NOX3: variants seen among roughly 807,000 people sequenced by gnomAD.
NOX3 encodes NADPH oxidase 3, also known as NADPH oxidase catalytic subunit-like 3.
In NOX3, 74 loss-of-function variants were observed where a neutral mutation model predicts 76.7. The ratio of observed to expected loss-of-function variants is 0.96; its 90% confidence interval spans 0.80 to 1.17. NOX3 has a LOEUF of 1.17. Among genes scored for constraint, NOX3 ranks in the 50% most tolerant of loss-of-function variants. NOX3 has a pLI of 0.00. For missense variants in NOX3, 695 were observed against 703.3 expected (o/e 0.99, Z 0.13); for synonymous variants, 263 against 261.1 (o/e 1.01, Z -0.07).
chr6:155,426,429 T>C (rs1281275575), intron 9 of NOX3, among the ~76,000 whole-genome samples: 1 of 152,106 alleles, frequency 6.6e-6, no homozygotes. Context: ...GGTGGTGGTA[T>C]GTACTATAAA....
intron 9 of NOX3, among the ~76,000 whole-genome samples, chr6:155,427,905 C>A (rs752641730): frequency 2.6e-5 from 4 of 152,012 alleles, no homozygotes; most frequent in Non-Finnish European, 5.9e-5. Flanking sequence ...TCCTCCTCCT[C>A]CTTCTTCTTT....
At chr6:155,452,648 T>TTTA (rs397700834) in intron 4 of NOX3, among the ~76,000 whole-genome samples, 2 of 151,944 alleles carry the variant, frequency 1.3e-5, no homozygotes, top group African/African-American at 4.8e-5. Flanking sequence ...CTTTTTTTTT[T>TTTA]ATGCATGAGA....
chr6:155,399,345 A>G (rs926611964), intron 12 of NOX3, among the ~76,000 whole-genome samples: 3 of 152,148 alleles, frequency 2.0e-5, no homozygotes. Flanking sequence ...ACTCCATTTC[A>G]AAGGATTCTG....
chr6:155,408,481 T>C (rs1199681468), intron 11 of NOX3, among the ~76,000 whole-genome samples: 2 of 152,168 alleles, frequency 1.3e-5, no homozygotes, highest in African/African-American at 2.4e-5. Context: ...GTGCAACTCA[T>C]GCCCCAGGTT....
At chr6:155,424,372 A>C (rs1776729938) in intron 9 of NOX3, among the ~76,000 whole-genome samples, 1 of 152,206 alleles carries the variant, frequency 6.6e-6, no homozygotes, top group Non-Finnish European at 1.5e-5. Flanking sequence ...TGGTTGAATA[A>C]ATTGTAAAGG....
chr6:155,409,008 T>A lies in NOX3; in HGVS notation c.1456-1754A>T, dbSNP rs944186997. On this transcript the variant is annotated intron_variant, in intron 11 of 13. Coordinates refer to ENST00000159060, the MANE Select transcript of NOX3 (RefSeq NM_015718.3). Reference sequence around the variant, plus strand: ...GACAAAGAACCTACTGGGTATGATATCCACTGTTTGGGTAATGGGTAACCC... The same window carrying A: ...GACAAAGAACCTACTGGGTATGATAACCACTGTTTGGGTAATGGGTAACCC... 3.9e-5 allele frequency among the ~76,000 whole-genome samples: 6 copies of A among 152,132 alleles called. No individual in the cohort carries two copies. The East Asian group carries it at 9.7e-4, about 25-fold the overall frequency.
chr6:155,443,243 G>C (rs188790493), intron 5 of NOX3, 30 bp downstream of exon 5: 1 of 1,599,166 alleles, frequency 6.3e-7, no homozygotes, highest in Non-Finnish European at 8.5e-7. Context: ...ATTTTTCAGG[G>C]GAGAAGCTTG....
Position 155,443,381 on chromosome 6 carries a change from G to C in NOX3, c.378C>G (p.Arg126=), listed in dbSNP as rs1398674142. The change falls in exon 5 of 14, where the codon CGC becomes CGG. Residue 126 remains arginine (R), a synonymous_variant. Coordinates refer to ENST00000159060, the MANE Select transcript of NOX3 (RefSeq NM_015718.3). ...HIVAHFFNLE[R]YHWSQSEEAQ... ...CCTCCTCGGACTGGCTCCAGTGGTAGCGTTCCAGGTTGAAGAAATGCGCCA... is the reference window on the plus strand; with the variant it reads ...CCTCCTCGGACTGGCTCCAGTGGTACCGTTCCAGGTTGAAGAAATGCGCCA... The C allele has an allele frequency of 1.2e-5, 19 of 1,613,928 alleles. No homozygotes were observed. In the East Asian group the frequency reaches 4.0e-4, roughly 34 times the overall value.
chr6:155,400,493 T>G (rs1328741996), intron 12 of NOX3, among the ~76,000 whole-genome samples: 1 of 152,234 alleles, frequency 6.6e-6, no homozygotes, highest in African/African-American at 2.4e-5. Flanking sequence ...AGCTACAAAC[T>G]CTGTATCAGA....
chr6:155,441,930 G>T (rs1776992101), intron 5 of NOX3, among the ~76,000 whole-genome samples: 3 of 152,114 alleles, frequency 2.0e-5, no homozygotes, highest in Non-Finnish European at 4.4e-5. Context: ...GTTCTGATTC[G>T]GAAGTGTGAA....
At chr6:155,452,589 T>C (rs1289685247) in intron 4 of NOX3, among the ~76,000 whole-genome samples, 7 of 152,204 alleles carry the variant, frequency 4.6e-5, no homozygotes, top group African/African-American at 1.7e-4. Flanking sequence ...CTGTCATGTC[T>C]TGTTGCTTAA....
At chr6:155,410,314 T>C (rs767920749) in intron 11 of NOX3, among the ~76,000 whole-genome samples, 3 of 152,016 alleles carry the variant, frequency 2.0e-5, no homozygotes, top group African/African-American at 4.8e-5. Flanking sequence ...TGTGTGTGTG[T>C]GTGTGCGCAC....
At chr6:155,418,035 C>T (rs1203733224) in intron 10 of NOX3, among the ~76,000 whole-genome samples, 1 of 152,164 alleles carries the variant, frequency 6.6e-6, no homozygotes, top group Non-Finnish European at 1.5e-5. Flanking sequence ...ACTACATATG[C>T]AGTTAAGAAA....
chr6:155,449,648 C>T (rs971379644), intron 4 of NOX3, among the ~76,000 whole-genome samples: 8 of 152,200 alleles, frequency 5.3e-5, no homozygotes, highest in Non-Finnish European at 2.9e-5. Flanking sequence ...CCTCCTCCCT[C>T]GCCTTCTTCC....
At chr6:155,420,897 C>A (rs994714192) in intron 10 of NOX3, among the ~76,000 whole-genome samples, 1 of 152,286 alleles carries the variant, frequency 6.6e-6, no homozygotes, top group Admixed American at 6.5e-5. Context: ...TTTCTGTATA[C>A]ACATTTCTAT....
intron 4 of NOX3, among the ~76,000 whole-genome samples, chr6:155,446,110 G>A (rs1476994499): frequency 4.6e-5 from 7 of 151,328 alleles, no homozygotes; most frequent in East Asian, 1.9e-4. Context: ...TTTCCGCATC[G>A]TGATGTTTAC....
In NOX3 at chr6:155,439,479, C is replaced by T. The variant is rs539056740; in HGVS notation, c.668+477G>A. 9.2e-5 allele frequency among the ~76,000 whole-genome samples: 14 copies of T among 152,260 alleles called. No homozygotes were observed. The South Asian group carries it at 2.9e-3, about 32-fold the overall frequency. ...TGAGGCTCAGAGGACCTGAAGGGCT[C>T]ACTCTGATAACTGGTGTCAGAGCTG... On this transcript the variant is annotated intron_variant, in intron 6 of 13. Transcript: ENST00000159060.
At chr6:155,397,629 A>G (rs1779156221) in intron 12 of NOX3, among the ~76,000 whole-genome samples, 1 of 152,218 alleles carries the variant, frequency 6.6e-6, no homozygotes. Flanking sequence ...TGCATGTGGA[A>G]AAGATGATAA....
chr6:155,426,984 CGTGTGTGTGT>C (rs764029957), intron 9 of NOX3, among the ~76,000 whole-genome samples: 34 of 41,920 alleles, frequency 8.1e-4, no homozygotes, highest in African/African-American at 2.5e-3. Flanking sequence ...GACACTGTGG[CGTGTGTGTGT>C]GTGTGTGTGT....
Sources: gnomAD v4.1 joint callset for allele counts (sites outside exome capture counted in the v4.1 genomes callset) on GRCh38, gnomAD v4.1.1 for gene constraint, MANE v1.5 for transcripts, NCBI Gene and HGNC (gene_info 2026-07-23, HGNC 2026-07-21) for gene names.